Variants in CCDC91 observed in about 807,000 individuals in gnomAD.
The protein encoded by CCDC91 is coiled-coil domain containing 91.
A neutral mutation model predicts 63.2 loss-of-function variants in CCDC91; 48 were observed. The observed-to-expected ratio is 0.76, with a 90% CI of 0.60 to 0.97. The LOEUF (loss-of-function observed/expected upper bound fraction) is 0.97. Among genes scored for constraint, CCDC91 ranks in the 50% least tolerant of loss-of-function variants. The pLI is 0.00. For missense variants in CCDC91, 500 were observed against 494.6 expected, an observed-to-expected ratio of 1.01 and a Z score of -0.10; for synonymous variants, 167 against 165.8, an observed-to-expected ratio of 1.01 and a Z score of -0.06.
At chr12:28,389,624 T>G (rs576541223) in intron 7 of CCDC91, among the ~76,000 whole-genome samples, 12 of 152,232 alleles carry the variant, frequency 7.9e-5, no homozygotes, top group South Asian at 4.2e-4. Flanking sequence ...GGATATAATA[T>G]ACTAAAAATT....
chr12:28,219,813 T>G (rs1406169181), intron 1 of CCDC91, among the ~76,000 whole-genome samples: 1 of 152,080 alleles, frequency 6.6e-6, no homozygotes, highest in African/African-American at 2.4e-5. Flanking sequence ...CATCAAAGCT[T>G]AGGAGATATG....
At chr12:28,300,234 CT>C (rs1028179934) in intron 3 of CCDC91, among the ~76,000 whole-genome samples, 2 of 151,296 alleles carry the variant, frequency 1.3e-5, no homozygotes, top group Non-Finnish European at 3.0e-5. Flanking sequence ...TTTGGAGTTT[CT>C]TTTTGTGTAT....
chr12:28,357,719 T>C (rs952666087), intron 6 of CCDC91, among the ~76,000 whole-genome samples: 8 of 152,106 alleles, frequency 5.3e-5, no homozygotes, highest in Admixed American at 6.5e-5. Context: ...CTTGAACACA[T>C]TTTTTGACTT....
intron 11 of CCDC91, among the ~76,000 whole-genome samples, chr12:28,454,499 G>A (rs60960895): frequency 0.21 from 31,646 of 152,026 alleles, 4,194 homozygotes; most frequent in Non-Finnish European, 0.3. Flanking sequence ...ACGTAGTCCA[G>A]CTCTTTCCCT....
At chr12:28,206,682 T>G (rs1469587915) in intron 1 of CCDC91, among the ~76,000 whole-genome samples, 1 of 152,232 alleles carries the variant, frequency 6.6e-6, no homozygotes, top group African/African-American at 2.4e-5. Context: ...CTATAGGTCG[T>G]AAGTGCCAGT....
chr12:28,243,703 A>G (rs1945509603), intron 1 of CCDC91, among the ~76,000 whole-genome samples: 1 of 152,202 alleles, frequency 6.6e-6, no homozygotes. Flanking sequence ...TGTTAATTAT[A>G]TGTGACCTAT....
intron 11 of CCDC91, among the ~76,000 whole-genome samples, chr12:28,464,458 G>A (rs1231793899): frequency 1.3e-5 from 2 of 152,150 alleles, no homozygotes; most frequent in Non-Finnish European, 2.9e-5. Context: ...GAGAGGAGAT[G>A]TAACAGTAGG....
intron 1 of CCDC91, among the ~76,000 whole-genome samples, chr12:28,195,662 C>T (rs559471124): frequency 3.9e-5 from 6 of 152,176 alleles, no homozygotes; most frequent in South Asian, 2.1e-4. Flanking sequence ...TTTGAGTATT[C>T]GAGTTCTTTT....
intron 12 of CCDC91, among the ~76,000 whole-genome samples, chr12:28,536,172 A>G (rs1942158949): frequency 1.4e-5 from 2 of 147,814 alleles, no homozygotes; most frequent in South Asian, 4.3e-4. Flanking sequence ...TAAAAATCAA[A>G]TATAGTAGGC....
chr12:28,351,850 G>A (rs1338044312), intron 6 of CCDC91, among the ~76,000 whole-genome samples: 1 of 152,102 alleles, frequency 6.6e-6, no homozygotes, highest in Non-Finnish European at 1.5e-5. Flanking sequence ...TAGGCTTGCT[G>A]TATTTCTCTT....
At chr12:28,425,599 A>G (rs1160404606) in intron 8 of CCDC91, among the ~76,000 whole-genome samples, 2 of 152,174 alleles carry the variant, frequency 1.3e-5, no homozygotes, top group Admixed American at 1.3e-4. Flanking sequence ...ATAGCAGTTA[A>G]TGATTACAGA....
At chr12:28,477,898 A>C (rs1951201778) in intron 11 of CCDC91, among the ~76,000 whole-genome samples, 1 of 152,126 alleles carries the variant, frequency 6.6e-6, no homozygotes. Context: ...TAGGAATCCA[A>C]CTTACAAGGG....
At chr12:28,493,045 G>GA (rs1952093801) in intron 12 of CCDC91, among the ~76,000 whole-genome samples, 1 of 151,504 alleles carries the variant, frequency 6.6e-6, no homozygotes, top group South Asian at 2.1e-4. Context: ...TTCTGTATTA[G>GA]AAAAAATATA....
intron 3 of CCDC91, among the ~76,000 whole-genome samples, chr12:28,272,481 C>G (rs568447213): frequency 1.4e-5 from 2 of 146,042 alleles, no homozygotes; most frequent in African/African-American, 5.0e-5. Flanking sequence ...CTCTTTTTCA[C>G]GTTTTGGCTG....
At chr12:28,270,559 G>A (rs1309104446) in intron 3 of CCDC91, among the ~76,000 whole-genome samples, 2 of 151,908 alleles carry the variant, frequency 1.3e-5, no homozygotes, top group African/African-American at 2.4e-5. Flanking sequence ...AAAAATTTAC[G>A]AACACAATGT....
chr12:28,246,068 C>T (rs181593938), intron 1 of CCDC91, among the ~76,000 whole-genome samples: 10 of 151,984 alleles, frequency 6.6e-5, no homozygotes, highest in African/African-American at 9.6e-5. Context: ...AATATAGCAG[C>T]CAAAAGAATG....
chr12:28,493,748 G>A (rs1422260765), intron 12 of CCDC91, among the ~76,000 whole-genome samples: 1 of 147,716 alleles, frequency 6.8e-6, no homozygotes, highest in African/African-American at 2.4e-5. Context: ...AAATACTGAA[G>A]GTATCTCTTA....
At chr12:28,458,457 T>A (rs1483436801) in intron 11 of CCDC91, among the ~76,000 whole-genome samples, 1 of 54,772 alleles carries the variant, frequency 1.8e-5, no homozygotes, top group African/African-American at 6.9e-5. Context: ...TTGCACACCT[T>A]TTTTTTTTTT....
chr12:28,462,416 A>G (rs1015784420), intron 11 of CCDC91, among the ~76,000 whole-genome samples: 3 of 152,088 alleles, frequency 2.0e-5, no homozygotes, highest in Non-Finnish European at 2.9e-5. Flanking sequence ...TAATTAATAT[A>G]TGGAACAACT....
Sources: allele counts gnomAD v4.1 joint callset (sites outside exome capture counted in the v4.1 genomes callset), GRCh38; gene constraint gnomAD v4.1.1; transcripts MANE v1.5; gene names NCBI Gene and HGNC (gene_info 2026-07-23, HGNC 2026-07-21).